Variants in CUX2 observed in about 807,000 individuals in gnomAD.
CUX2 encodes cut like homeobox 2, also known as homeobox protein cut-like 2.
In CUX2, 40 loss-of-function variants were observed where a neutral mutation model predicts 144.8. The observed-to-expected ratio is 0.28, with a 90% CI of 0.21 to 0.36. The LOEUF (loss-of-function observed/expected upper bound fraction) is 0.36. Among genes scored for constraint, CUX2 ranks in the 10% least tolerant of loss-of-function variants. The probability of loss-of-function intolerance (pLI) is 1.00; values close to 1 mark genes in which losing one functional copy is unlikely to be tolerated. For missense variants in CUX2, 1,615 were observed against 1,994.0 expected (o/e 0.81, Z 3.62); for synonymous variants, 827 against 875.6 (o/e 0.94, Z 0.98).
Position 111,334,583 on chromosome 12 carries a change from G to A in CUX2, c.3069G>A (p.Leu1023=), listed in dbSNP as rs754159424. The A allele has an allele frequency of 1.9e-6, 3 of 1,613,924 alleles. No homozygotes were observed. Among genetic ancestry groups the A allele is most frequent in the South Asian group, 1.1e-5 (1 of 91,084 alleles). Residue 1023 remains leucine (L), a synonymous_variant, in exon 19 of 22, where the codon TTG becomes TTA. Transcript: ENST00000261726. ...CAGAGGGCCGCTCCAGCTCCTCGTT[G>A]AGCGGGAAGATGTACTCAGGCAGCC... ...QQPEGRSSSS[L]SGKMYSGSQA... is the part of the protein sequence containing the mutation.
At chr12:111,222,537 T>A (rs76625545) in intron 3 of CUX2, among the ~76,000 whole-genome samples, 2,870 of 152,262 alleles carry the variant, frequency 0.019, 99 homozygotes, top group African/African-American at 0.066. Context: ...ACACAGTAGT[T>A]TGGAGACCAA....
At chr12:111,251,960 A>T (rs921314715) in intron 3 of CUX2, among the ~76,000 whole-genome samples, 3 of 152,132 alleles carry the variant, frequency 2.0e-5, no homozygotes, top group African/African-American at 7.2e-5. Flanking sequence ...CAGGAGGATC[A>T]CTTGAGGCTA....
intron 1 of CUX2, among the ~76,000 whole-genome samples, chr12:111,055,295 G>A (rs769201521): frequency 5.3e-5 from 8 of 152,228 alleles, no homozygotes; most frequent in African/African-American, 1.2e-4. Flanking sequence ...AGAGGCCACC[G>A]TCAGAGCTGG....
chr12:111,257,308 TCTTCCTCCTCCTCCCTCTTCCTCCC>T (rs1883869379), intron 3 of CUX2, among the ~76,000 whole-genome samples: 1 of 114,178 alleles, frequency 8.8e-6, no homozygotes, highest in Non-Finnish European at 1.8e-5. Context: ...TCCTCCCACT[TCTTCCTCCTCCTCCCTCTTCCTCCC>T]CTTCCTCCTC....
intron 1 of CUX2, among the ~76,000 whole-genome samples, chr12:111,151,413 C>T (rs1566256359): frequency 2.0e-5 from 3 of 152,212 alleles, no homozygotes; most frequent in Non-Finnish European, 1.5e-5. Context: ...CAGGCCTCAT[C>T]AGTTTTACAT....
intron 4 of CUX2, chr12:111,270,277 A>G (rs553360172): frequency 6.6e-6 from 1 of 152,314 alleles, no homozygotes; most frequent in South Asian, 2.1e-4. Flanking sequence ...AAGCCACACA[A>G]GTCCTGATTC....
rs1043060390 is a variant in CUX2, at chr12:111,289,804, A to G, written c.302-1614A>G. ...ACCAGGTCCACCGAGAAGCACACCA[A>G]GGATTACATGGGAGAGGATATTGGT... On this transcript the variant is annotated intron_variant, in intron 4 of 21. Coordinates refer to ENST00000261726, the MANE Select transcript of CUX2 (RefSeq NM_015267.4). This position sits in a 1 kb window ranked among gnomAD's most constrained non-coding sequence, Gnocchi z 4.1. 6.6e-6 allele frequency among the ~76,000 whole-genome samples: 1 copy of G among 151,968 alleles called. No homozygotes were observed. Among genetic ancestry groups the G allele is most frequent in the Admixed American group, 6.6e-5 (1 of 15,240 alleles).
rs565321204 is a variant in CUX2, at chr12:111,039,812, G to T, written c.63+5572G>T. Among the ~76,000 whole-genome samples the T allele has an allele frequency of 1.3e-5, 2 of 152,202 alleles. No individual in the cohort carries two copies. The highest frequency in any genetic ancestry group is 2.4e-5 in the African/African-American group (1 of 41,446). ...CTCTTAAAGTGCTGGGATTACAAGT[G>T]TGATGACCTTGGGCCCCTCCCCTTC... On this transcript the variant is annotated intron_variant, in intron 1 of 21. Transcript: ENST00000261726. The surrounding 1 kb of genome is among the most constrained non-coding windows in gnomAD (Gnocchi z 4.2).
At chr12:111,127,793 A>G (rs1352603718) in intron 1 of CUX2, among the ~76,000 whole-genome samples, 2 of 152,212 alleles carry the variant, frequency 1.3e-5, no homozygotes, top group Non-Finnish European at 2.9e-5. Context: ...GAGGCCTCAC[A>G]ATCATGGCAG....
At chr12:111,038,924 G>C (rs1008824176) in intron 1 of CUX2, among the ~76,000 whole-genome samples, 1 of 151,084 alleles carries the variant, frequency 6.6e-6, no homozygotes, top group African/African-American at 2.4e-5. Context: ...TTCTGATGGT[G>C]GTGGTGGTTT....
At chr12:111,183,477 G>A (rs1449593478) in intron 1 of CUX2, among the ~76,000 whole-genome samples, 2 of 152,254 alleles carry the variant, frequency 1.3e-5, no homozygotes, top group Admixed American at 6.5e-5. Context: ...CAACACCGGG[G>A]TCTCAGAGGC....
intron 4 of CUX2, among the ~76,000 whole-genome samples, chr12:111,265,526 A>G (rs1884343243): frequency 6.6e-6 from 1 of 151,746 alleles, no homozygotes; most frequent in African/African-American, 2.4e-5. Context: ...TATTTTTAGT[A>G]GAGACAGGGT....
chr12:111,062,824 G>C (rs759602438), intron 1 of CUX2, among the ~76,000 whole-genome samples: 2 of 152,182 alleles, frequency 1.3e-5, no homozygotes, highest in Non-Finnish European at 2.9e-5. Context: ...TCCAGTTAGA[G>C]GGTAGGAGCG....
At position 111,293,387 on chromosome 12, in the gene CUX2, C is replaced by T; in HGVS notation, c.437-59C>T. 1 of 1,554,472 alleles carries T rather than the reference C, an allele frequency of 6.4e-7. No individual in the cohort carries two copies. The highest frequency in any genetic ancestry group is 1.2e-5 in the South Asian group (1 of 82,924). On this transcript the variant is annotated intron_variant, in intron 5 of 21. Transcript: ENST00000261726. The surrounding 1 kb of genome is among the most constrained non-coding windows in gnomAD (Gnocchi z 4.5). ...GATCGATCCGGTTTACAGAAAGCGGCTCTGGCTGCCACGTTGCTCTCTTGG... is the reference window on the plus strand; with the variant it reads ...GATCGATCCGGTTTACAGAAAGCGGTTCTGGCTGCCACGTTGCTCTCTTGG...
At chr12:111,084,766 C>T (rs1039454054) in intron 1 of CUX2, among the ~76,000 whole-genome samples, 3 of 152,166 alleles carry the variant, frequency 2.0e-5, no homozygotes, top group African/African-American at 2.4e-5. Flanking sequence ...GCGGCAGCGA[C>T]GGCGCTGTAT....
rs199677779 is a variant in CUX2 at position 111,291,530 on chromosome 12, C to T, written c.414C>T (p.Asn138=). 5.6e-6 allele frequency: 9 copies of T among 1,610,746 alleles called. No individual in the cohort carries two copies. Among genetic ancestry groups the T allele is most frequent in the Non-Finnish European group, 7.6e-6 (9 of 1,178,380 alleles). The part of the protein sequence containing the change: ...RRDLHTSWKR[N]PELLSPKEQR... The stretch of plus-strand genomic sequence containing the variant: ...ACCTCCACACTTCGTGGAAGAGGAA[C>T]CCCGAGCTCCTCAGCCCCAAAGGTA... The change falls in exon 5 of 22, where the codon AAC becomes AAT. Residue 138 remains asparagine, a synonymous_variant. Transcript: ENST00000261726.
intron 1 of CUX2, among the ~76,000 whole-genome samples, chr12:111,134,859 G>A (rs1378118675): frequency 2.6e-5 from 4 of 152,158 alleles, no homozygotes; most frequent in South Asian, 2.1e-4. Flanking sequence ...CAGGCAGAAG[G>A]ACCATGTGTG....
intron 3 of CUX2, among the ~76,000 whole-genome samples, chr12:111,228,802 G>A (rs1016113027): frequency 1.3e-5 from 2 of 152,048 alleles, no homozygotes; most frequent in Non-Finnish European, 2.9e-5. Context: ...TCAAACTTAC[G>A]CTGTTCAAGG....
At chr12:111,288,657 A>C (rs184215704) in intron 4 of CUX2, among the ~76,000 whole-genome samples, 65 of 151,776 alleles carry the variant, frequency 4.3e-4, no homozygotes, top group African/African-American at 1.5e-3. Flanking sequence ...TGAAACCCCA[A>C]CTCTATTAAA....
Sources: allele counts gnomAD v4.1 joint callset (sites outside exome capture counted in the v4.1 genomes callset), GRCh38; gene constraint gnomAD v4.1.1; non-coding constraint Gnocchi (gnomAD v3.1); transcripts MANE v1.5; gene names NCBI Gene and HGNC (gene_info 2026-07-23, HGNC 2026-07-21).